Variants in DLGAP2 observed in about 807,000 individuals in gnomAD.
The protein encoded by DLGAP2 is DLG associated protein 2.
DLGAP2 carries 26 observed loss-of-function variants against 100.3 expected under a neutral mutation model. The observed-to-expected ratio is 0.26, with a 90% CI of 0.19 to 0.36. DLGAP2 has a LOEUF of 0.36. Among genes scored for constraint, DLGAP2 ranks in the 10% least tolerant of loss-of-function variants. DLGAP2 has a pLI of 1.00. For missense variants in DLGAP2, 1,858 were observed against 1,453.2 expected (o/e 1.28, Z -4.53); for synonymous variants, 886 against 630.1 (o/e 1.41, Z -6.08).
At chr8:834,565 A>C (rs1374934252) in intron 1 of DLGAP2, among the ~76,000 whole-genome samples, 1 of 152,188 alleles carries the variant, frequency 6.6e-6, no homozygotes, top group Admixed American at 6.5e-5. Context: ...TGATTGTTTT[A>C]AGAGTGGTTA....
intron 2 of DLGAP2, among the ~76,000 whole-genome samples, chr8:1,099,139 C>A (rs1804497054): frequency 6.6e-6 from 1 of 152,158 alleles, no homozygotes; most frequent in South Asian, 2.1e-4. Flanking sequence ...CGCCGGTGTT[C>A]CTGGCTTCCT....
At chr8:1,286,787 C>T (rs550089477) in intron 3 of DLGAP2, among the ~76,000 whole-genome samples, 7 of 152,326 alleles carry the variant, frequency 4.6e-5, no homozygotes, top group African/African-American at 7.2e-5. Context: ...TCCCCAGTGT[C>T]TCTGGATTCA....
At chr8:879,943 C>T (rs962216779) in intron 1 of DLGAP2, among the ~76,000 whole-genome samples, 5 of 152,178 alleles carry the variant, frequency 3.3e-5, no homozygotes, top group African/African-American at 1.2e-4. Context: ...TATATCTTAA[C>T]CATATCCCTC....
chr8:1,601,346 A>C (rs1159526084), intron 6 of DLGAP2, among the ~76,000 whole-genome samples: 2 of 152,160 alleles, frequency 1.3e-5, no homozygotes, highest in Non-Finnish European at 2.9e-5. Flanking sequence ...AGGAGACAAG[A>C]GGGTCAGGGG....
At chr8:947,531 C>T (rs913412203) in intron 2 of DLGAP2, among the ~76,000 whole-genome samples, 1 of 152,206 alleles carries the variant, frequency 6.6e-6, no homozygotes. Flanking sequence ...GTGGTGGCTG[C>T]AGGTTGCTGA....
chr8:1,555,227 C>A (rs926267384), intron 5 of DLGAP2, among the ~76,000 whole-genome samples: 1 of 152,164 alleles, frequency 6.6e-6, no homozygotes, highest in African/African-American at 2.4e-5. Flanking sequence ...CCTTCCGCAG[C>A]CCCTCGAGTT....
intron 6 of DLGAP2, among the ~76,000 whole-genome samples, chr8:1,619,159 G>T (rs1418261310): frequency 7.2e-5 from 11 of 152,150 alleles, no homozygotes; most frequent in Non-Finnish European, 1.5e-4. Flanking sequence ...AGAACGTAAA[G>T]ACAACCCCAG....
intron 1 of DLGAP2, among the ~76,000 whole-genome samples, chr8:900,757 G>C (rs897349125): frequency 1.2e-4 from 19 of 152,174 alleles, no homozygotes; most frequent in African/African-American, 4.3e-4. Context: ...GATGGCAGGA[G>C]CTGAGATATT....
intron 2 of DLGAP2, among the ~76,000 whole-genome samples, chr8:1,180,594 AGT>A (rs1193471586): frequency 2.0e-5 from 3 of 148,004 alleles, no homozygotes; most frequent in African/African-American, 7.4e-5. Context: ...CACACTGTCG[AGT>A]GTGTGTGGGT....
chr8:1,434,922 C>T (rs1358044287), intron 3 of DLGAP2, among the ~76,000 whole-genome samples: 1 of 152,168 alleles, frequency 6.6e-6, no homozygotes, highest in Non-Finnish European at 1.5e-5. Context: ...CAGGAATGGG[C>T]GTGCCTGGTC....
intron 3 of DLGAP2, among the ~76,000 whole-genome samples, chr8:1,412,061 C>T (rs925506315): frequency 6.6e-6 from 1 of 152,266 alleles, no homozygotes; most frequent in African/African-American, 2.4e-5. Context: ...CTCACCTCCC[C>T]TGGAGTCACT....
rs1801640308 is a variant in DLGAP2 at position 1,548,754 on chromosome 8, C to T, written c.301C>T (p.Leu101=). 6.2e-7 allele frequency: 1 copy of T among 1,603,068 alleles called. No homozygotes were observed. The highest frequency in any genetic ancestry group is 8.5e-7 in the Non-Finnish European group (1 of 1,176,738). ...PPLCSGHTCG[L]APPEDCEHLH... is the part of the protein sequence containing the mutation. Reference sequence around the variant, plus strand: ...GCTGTGTTCCGGGCACACGTGTGGTCTGGCGCCCCCGGAGGACTGCGAGCA... The same window carrying T: ...GCTGTGTTCCGGGCACACGTGTGGTTTGGCGCCCCCGGAGGACTGCGAGCA... Residue 101 remains leucine, a synonymous_variant, in exon 5 of 15, where the codon CTG becomes TTG. Transcript: ENST00000637795.
rs377053559 is a variant in DLGAP2, at chr8:1,245,502, G to C, written c.74-13349G>C. On this transcript the variant is annotated intron_variant, in intron 2 of 14. Coordinates refer to ENST00000637795, the MANE Select transcript of DLGAP2 (RefSeq NM_001346810.2). ...AAAGAAGCCAGTCATGAAAACCACA[G>C]ATAGGATTCCATTTATATGCAGTGT... is the stretch of plus-strand genomic sequence containing the variant. 6.4e-4 allele frequency among the ~76,000 whole-genome samples: 97 copies of C among 152,352 alleles called. No homozygotes were observed. The South Asian group carries it at 0.02, about 31-fold the overall frequency.
At chr8:1,317,716 G>A (rs1371494821) in intron 3 of DLGAP2, among the ~76,000 whole-genome samples, 32 of 74,764 alleles carry the variant, frequency 4.3e-4, no homozygotes, top group South Asian at 1.5e-3. Context: ...CGAGAAACTC[G>A]GCAGCTTTTA....
At chr8:869,909 G>C (rs1003028854) in intron 1 of DLGAP2, among the ~76,000 whole-genome samples, 1 of 151,996 alleles carries the variant, frequency 6.6e-6, no homozygotes, top group Non-Finnish European at 1.5e-5. Context: ...GCTCTGGAAA[G>C]AGGACTAATC....
At chr8:1,008,366 G>C (rs1801180989) in intron 2 of DLGAP2, among the ~76,000 whole-genome samples, 1 of 152,200 alleles carries the variant, frequency 6.6e-6, no homozygotes, top group South Asian at 2.1e-4. Flanking sequence ...CCAGGAAATA[G>C]TGAAAACTGG....
chr8:824,526 T>C (rs898215391), intron 1 of DLGAP2, among the ~76,000 whole-genome samples: 1 of 152,200 alleles, frequency 6.6e-6, no homozygotes, highest in East Asian at 1.9e-4. Context: ...CTTTTATGGT[T>C]TGAGGACCCA....
intron 3 of DLGAP2, among the ~76,000 whole-genome samples, chr8:1,294,496 G>C (rs1024148577): frequency 1.3e-5 from 2 of 152,170 alleles, no homozygotes; most frequent in African/African-American, 4.8e-5. Context: ...AGTGTGATTG[G>C]TGATGGAGGT....
intron 2 of DLGAP2, among the ~76,000 whole-genome samples, chr8:1,055,505 T>C (rs1802854972): frequency 6.6e-6 from 1 of 152,244 alleles, no homozygotes; most frequent in Admixed American, 6.5e-5. Context: ...CTACTTAAAG[T>C]CTGTTGTTAT....
Sources: gnomAD v4.1 joint callset for allele counts (sites outside exome capture counted in the v4.1 genomes callset) on GRCh38, gnomAD v4.1.1 for gene constraint, MANE v1.5 for transcripts, NCBI Gene and HGNC (gene_info 2026-07-23, HGNC 2026-07-21) for gene names.